WDR25: variants seen among roughly 807,000 people sequenced by gnomAD.
The protein encoded by WDR25 is WD repeat-containing protein 25.
WDR25 carries 35 observed loss-of-function variants against 47.7 expected under a neutral mutation model. The ratio of observed to expected loss-of-function variants is 0.73; its 90% confidence interval spans 0.56 to 0.97. The LOEUF (loss-of-function observed/expected upper bound fraction) is 0.97. Among genes scored for constraint, WDR25 ranks in the 50% least tolerant of loss-of-function variants. The pLI, the probability that WDR25 is intolerant of heterozygous loss-of-function variation, is 0.00. For missense variants in WDR25, 634 were observed against 704.7 expected (o/e 0.90, Z 1.14); for synonymous variants, 248 against 278.9 (o/e 0.89, Z 1.10).
In WDR25 at chr14:100,523,004, C is replaced by T. The variant is rs1382408330; in HGVS notation, c.1102-2866C>T. 6.6e-6 allele frequency among the ~76,000 whole-genome samples: 1 copy of T among 152,198 alleles called. No individual in the cohort carries two copies. The highest frequency in any genetic ancestry group is 6.5e-5 in the Admixed American group (1 of 15,280). On this transcript the variant is annotated intron_variant, in intron 4 of 6. Transcript: ENST00000402312. The surrounding 1 kb of genome is among the most constrained non-coding windows in gnomAD (Gnocchi z 4.7). ...GGCTCAATCAGGGCCAGGGGAAGGA[C>T]CTGTGAGTGAATGTCATCTCACCCG...
chr14:100,480,507 A>G (rs1440781249), intron 3 of WDR25, among the ~76,000 whole-genome samples: 1 of 152,236 alleles, frequency 6.6e-6, no homozygotes, highest in Non-Finnish European at 1.5e-5. Flanking sequence ...CATCATGGCA[A>G]ATGTGATGCT....
chr14:100,485,465 T>A (rs1207227144), intron 4 of WDR25, among the ~76,000 whole-genome samples: 1 of 152,140 alleles, frequency 6.6e-6, no homozygotes, highest in Non-Finnish European at 1.5e-5. Context: ...ATTGACTGAG[T>A]AAATGCCAGA....
In WDR25 at chr14:100,529,771, C is replaced by T. The variant is rs563601350; in HGVS notation, c.1414-49C>T. 1.3e-6 allele frequency: 2 copies of T among 1,580,862 alleles called. No homozygotes were observed. The highest frequency in any genetic ancestry group is 8.6e-7 in the Non-Finnish European group (1 of 1,162,532). On this transcript the variant is annotated intron_variant, in intron 6 of 6. Transcript: ENST00000402312. The surrounding 1 kb of genome is among the most constrained non-coding windows in gnomAD (Gnocchi z 5.1). ...TCCTCTGTAGAATGGGCATACTCAC[C>T]CCGGCTTGACAGGTGCGGCTTGCTC... is the stretch of plus-strand genomic sequence containing the variant.
chr14:100,459,652 A>G (rs1374643417), intron 2 of WDR25, among the ~76,000 whole-genome samples: 1 of 151,744 alleles, frequency 6.6e-6, no homozygotes, highest in Non-Finnish European at 1.5e-5. Context: ...CCTTTCTATA[A>G]GGGAGAAGCT....
chr14:100,515,789 CTTT>C (rs11301950), intron 4 of WDR25, among the ~76,000 whole-genome samples: 3,809 of 110,414 alleles, frequency 0.034, 123 homozygotes, highest in African/African-American at 0.12. Flanking sequence ...CCACACCTTG[CTTT>C]TTTTTTTTTT....
chr14:100,480,199 C>T (rs941515818), intron 3 of WDR25, among the ~76,000 whole-genome samples: 6 of 152,190 alleles, frequency 3.9e-5, no homozygotes, highest in African/African-American at 1.4e-4. Flanking sequence ...TCACTACTCC[C>T]CTCAGGCTGG....
In WDR25 at chr14:100,506,502, A is replaced by G. The variant is rs1196250375; in HGVS notation, c.1102-19368A>G. 2.0e-5 allele frequency among the ~76,000 whole-genome samples: 3 copies of G among 152,212 alleles called. No individual in the cohort carries two copies. The highest frequency in any genetic ancestry group is 4.4e-5 in the Non-Finnish European group (3 of 68,030). ...AGAAACCTCCAAACTGCTTTCCACAATGGCTGAAATAACTTACATTCCCAC... is the reference window on the plus strand; with the variant it reads ...AGAAACCTCCAAACTGCTTTCCACAGTGGCTGAAATAACTTACATTCCCAC... On this transcript the variant is annotated intron_variant, in intron 4 of 6. Coordinates refer to ENST00000402312, the MANE Select transcript of WDR25 (RefSeq NM_001161476.3). The surrounding 1 kb of genome is among the most constrained non-coding windows in gnomAD (Gnocchi z 4.8).
At chr14:100,391,652 T>TAAAA (rs34455228) in intron 2 of WDR25, among the ~76,000 whole-genome samples, 1 of 148,450 alleles carries the variant, frequency 6.7e-6, no homozygotes, top group Non-Finnish European at 1.5e-5. Context: ...CATCCAGCCT[T>TAAAA]AAAAAAAAAA....
intron 2 of WDR25, among the ~76,000 whole-genome samples, chr14:100,410,800 T>G (rs1280204161): frequency 6.6e-6 from 1 of 151,174 alleles, no homozygotes; most frequent in Non-Finnish European, 1.5e-5. Flanking sequence ...TTTTTTTTTT[T>G]GATACAGAGT....
intron 2 of WDR25, among the ~76,000 whole-genome samples, chr14:100,444,641 C>T (rs144939490): frequency 6.6e-6 from 1 of 152,280 alleles, no homozygotes; most frequent in East Asian, 1.9e-4. Context: ...CTGGGTTGGG[C>T]CTTTGGTTTC....
At chr14:100,464,850 C>T (rs1566923028) in intron 2 of WDR25, among the ~76,000 whole-genome samples, 1 of 148,582 alleles carries the variant, frequency 6.7e-6, no homozygotes, top group Non-Finnish European at 1.5e-5. Flanking sequence ...CTCTTTCCTA[C>T]CCCATCTACT....
chr14:100,458,660 A>G (rs762261737), intron 2 of WDR25, among the ~76,000 whole-genome samples: 160 of 152,284 alleles, frequency 1.1e-3, no homozygotes, highest in Non-Finnish European at 2.0e-3. Flanking sequence ...ATATAAAACA[A>G]GTCTCAGTGT....
At chr14:100,394,622 T>A (rs1408376978) in intron 2 of WDR25, among the ~76,000 whole-genome samples, 1 of 152,102 alleles carries the variant, frequency 6.6e-6, no homozygotes, top group Non-Finnish European at 1.5e-5. Flanking sequence ...AAAGCAGACT[T>A]GAGAGGGATG....
At chr14:100,405,064 T>C (rs373913210) in intron 2 of WDR25, among the ~76,000 whole-genome samples, 1 of 152,242 alleles carries the variant, frequency 6.6e-6, no homozygotes, top group East Asian at 1.9e-4. Flanking sequence ...ATTTTTTATC[T>C]GTGGAAGGTG....
At chr14:100,420,743 G>GT (rs1898003059) in intron 2 of WDR25, among the ~76,000 whole-genome samples, 1 of 152,340 alleles carries the variant, frequency 6.6e-6, no homozygotes, top group South Asian at 2.1e-4. Flanking sequence ...AGCTAGGAGT[G>GT]TATGAGGCTG....
intron 2 of WDR25, among the ~76,000 whole-genome samples, chr14:100,438,979 A>G (rs946337350): frequency 2.0e-5 from 3 of 152,172 alleles, no homozygotes; most frequent in African/African-American, 7.2e-5. Flanking sequence ...CACATGGCCA[A>G]TTGACCACCT....
intron 4 of WDR25, among the ~76,000 whole-genome samples, chr14:100,512,074 A>G (rs1292175135): frequency 6.6e-6 from 1 of 152,102 alleles, no homozygotes; most frequent in Non-Finnish European, 1.5e-5. Context: ...TTATTATAAT[A>G]TCTTTGTATG....
chr14:100,456,054 T>C (rs879855574), intron 2 of WDR25, among the ~76,000 whole-genome samples: 1 of 152,192 alleles, frequency 6.6e-6, no homozygotes, highest in Non-Finnish European at 1.5e-5. Flanking sequence ...CATGATTCTG[T>C]ATCCTTCAAG....
At chr14:100,385,962 A>C (rs571565297) in intron 2 of WDR25, among the ~76,000 whole-genome samples, 1 of 152,246 alleles carries the variant, frequency 6.6e-6, no homozygotes, top group African/African-American at 2.4e-5. Flanking sequence ...GGGAGTCCCA[A>C]AGGAATAAGA....
Sources: allele counts gnomAD v4.1 joint callset (sites outside exome capture counted in the v4.1 genomes callset), GRCh38; gene constraint gnomAD v4.1.1; non-coding constraint Gnocchi (gnomAD v3.1); transcripts MANE v1.5; gene names NCBI Gene and HGNC (gene_info 2026-07-23, HGNC 2026-07-21).